AKAP19: variants seen among roughly 807,000 people sequenced by gnomAD.
AKAP19 encodes A-kinase anchoring protein 19, also known as small A-kinase anchoring protein.
the AKAP19 span, among the ~76,000 whole-genome samples, chr2:190,005,161 A>C: frequency 2.2e-4 from 33 of 152,282 alleles, no homozygotes; most frequent in African/African-American, 7.7e-4. Flanking sequence ...AGACCCAAAG[A>C]GTCAGCAGCA....
chr2:190,024,529 T>A, the AKAP19 span, among the ~76,000 whole-genome samples: 4 of 152,060 alleles, frequency 2.6e-5, no homozygotes, highest in African/African-American at 9.7e-5. Flanking sequence ...AATGCTAAAC[T>A]GTGCTGAGGA....
the AKAP19 span, among the ~76,000 whole-genome samples, chr2:190,037,009 A>G: frequency 6.6e-6 from 1 of 152,210 alleles, no homozygotes; most frequent in African/African-American, 2.4e-5. Flanking sequence ...ACAATAAACC[A>G]AGGAATTCAG....
the AKAP19 span, among the ~76,000 whole-genome samples, chr2:190,192,654 T>G: frequency 6.6e-6 from 1 of 152,090 alleles, no homozygotes; most frequent in Non-Finnish European, 1.5e-5. Flanking sequence ...TGAACAGCAT[T>G]TGTCTGTTTG....
chr2:190,189,492 G>A, the AKAP19 span, among the ~76,000 whole-genome samples: 3 of 152,122 alleles, frequency 2.0e-5, no homozygotes, highest in African/African-American at 7.2e-5. Context: ...AGTAACTGAA[G>A]AACAGTTGTT....
the AKAP19 span, among the ~76,000 whole-genome samples, chr2:190,083,354 CAG>C: frequency 0.095 from 13,646 of 143,660 alleles, 625 homozygotes; most frequent in Middle Eastern, 0.11. Flanking sequence ...AGCTGGGCGA[CAG>C]AGATCCTGTC....
At chr2:190,005,852 A>C in the AKAP19 span, among the ~76,000 whole-genome samples, 1 of 152,194 alleles carries the variant, frequency 6.6e-6, no homozygotes, top group Non-Finnish European at 1.5e-5. Flanking sequence ...TTCTTCTTTT[A>C]GCTTTAAATA....
chr2:190,123,119 TAGA>T, the AKAP19 span, among the ~76,000 whole-genome samples: 1 of 152,166 alleles, frequency 6.6e-6, no homozygotes, highest in Non-Finnish European at 1.5e-5. Flanking sequence ...ACACTAAATA[TAGA>T]ATATTCAAGA....
chr2:190,088,469 A>G, the AKAP19 span, among the ~76,000 whole-genome samples: 1 of 152,210 alleles, frequency 6.6e-6, no homozygotes, highest in Non-Finnish European at 1.5e-5. Flanking sequence ...AAGAATGGAA[A>G]AGGACGTAAA....
At chr2:189,976,045 G>A in the AKAP19 span, among the ~76,000 whole-genome samples, 1 of 152,278 alleles carries the variant, frequency 6.6e-6, no homozygotes, top group African/African-American at 2.4e-5. Flanking sequence ...CCTTGGAGGG[G>A]GAGAGGTGCT....
At chr2:189,975,494 G>A in the AKAP19 span, among the ~76,000 whole-genome samples, 3 of 152,074 alleles carry the variant, frequency 2.0e-5, no homozygotes, top group East Asian at 1.9e-4. Context: ...TCTTTGTGGC[G>A]TTCTCTGTAT....
the AKAP19 span, among the ~76,000 whole-genome samples, chr2:190,016,429 A>G: frequency 2.6e-5 from 4 of 152,182 alleles, no homozygotes; most frequent in Non-Finnish European, 5.9e-5. Context: ...AAAGAACAGC[A>G]TGGGGGACAC....
At chr2:190,019,414 T>G in the AKAP19 span, among the ~76,000 whole-genome samples, 5 of 152,090 alleles carry the variant, frequency 3.3e-5, no homozygotes, top group Non-Finnish European at 7.4e-5. Flanking sequence ...GGTCAAAGAC[T>G]GGGCATGAGG....
the AKAP19 span, among the ~76,000 whole-genome samples, chr2:189,894,579 A>G: frequency 3.3e-5 from 5 of 152,088 alleles, no homozygotes; most frequent in Non-Finnish European, 2.9e-5. Flanking sequence ...CTGTCTTCTC[A>G]TGACCATATC....
the AKAP19 span, among the ~76,000 whole-genome samples, chr2:189,941,871 C>A: frequency 6.6e-6 from 1 of 152,078 alleles, no homozygotes; most frequent in African/African-American, 2.4e-5. Flanking sequence ...GTCATAGTGT[C>A]TAAATGGATA....
the AKAP19 span, among the ~76,000 whole-genome samples, chr2:189,968,059 G>C: frequency 2.1e-4 from 32 of 152,142 alleles, no homozygotes; most frequent in South Asian, 6.2e-3. Context: ...GAAGAATAAG[G>C]AACAGTGTGT....
At chr2:190,191,808 TG>T in the AKAP19 span, among the ~76,000 whole-genome samples, 1 of 152,226 alleles carries the variant, frequency 6.6e-6, no homozygotes, top group Non-Finnish European at 1.5e-5. Flanking sequence ...TTTTCTAAAC[TG>T]GGTTGTTGTC....
At chr2:190,041,241 G>C in the AKAP19 span, among the ~76,000 whole-genome samples, 1 of 151,912 alleles carries the variant, frequency 6.6e-6, no homozygotes, top group Non-Finnish European at 1.5e-5. Flanking sequence ...CTTCTTTCTG[G>C]TTAGCTGTAT....
the AKAP19 span, among the ~76,000 whole-genome samples, chr2:189,960,397 C>A: frequency 2.6e-5 from 4 of 152,146 alleles, no homozygotes; most frequent in African/African-American, 7.2e-5. Context: ...CCCCTCTTCT[C>A]CAAATTAATG....
At chr2:190,083,699 A>G in the AKAP19 span, among the ~76,000 whole-genome samples, 2 of 152,330 alleles carry the variant, frequency 1.3e-5, no homozygotes, top group South Asian at 2.1e-4. Flanking sequence ...GTTAACTTAC[A>G]GCTATTTGCA....
Sources: gnomAD v4.1 joint callset for allele counts (sites outside exome capture counted in the v4.1 genomes callset) on GRCh38, gnomAD v4.1.1 for gene constraint, MANE v1.5 for transcripts, NCBI Gene and HGNC (gene_info 2026-07-23, HGNC 2026-07-21) for gene names.